OSBPL10: variants seen among roughly 807,000 people sequenced by gnomAD.
OSBPL10 encodes the protein oxysterol-binding protein-related protein 10.
A neutral mutation model predicts 81.7 loss-of-function variants in OSBPL10; 49 were observed. That is an observed-to-expected ratio of 0.60 (90% CI 0.48 to 0.76). The LOEUF (loss-of-function observed/expected upper bound fraction) is 0.76. OSBPL10 is among the 30% of genes least tolerant of loss of function. The probability of loss-of-function intolerance (pLI) is 0.00; values close to 1 mark genes in which losing one functional copy is unlikely to be tolerated. For synonymous variants in OSBPL10, 419 were observed against 383.6 expected (o/e 1.09, Z -1.08); for missense variants, 923 against 987.8 (o/e 0.93, Z 0.88).
intron 2 of OSBPL10, among the ~76,000 whole-genome samples, chr3:32,021,339 G>A (rs934989893): frequency 6.6e-6 from 1 of 152,194 alleles, no homozygotes; most frequent in African/African-American, 2.4e-5. Flanking sequence ...AACGTCATGA[G>A]GACAGATGTT....
At chr3:32,037,365 A>G (rs1699530543) in intron 2 of OSBPL10, among the ~76,000 whole-genome samples, 1 of 152,148 alleles carries the variant, frequency 6.6e-6, no homozygotes, top group South Asian at 2.1e-4. Context: ...AAAGCCCACT[A>G]AGGGCCAGGT....
At chr3:31,766,340 T>G (rs866500304) in intron 4 of OSBPL10, among the ~76,000 whole-genome samples, 7,174 of 112,414 alleles carry the variant, frequency 0.064, 791 homozygotes, top group African/African-American at 0.31. Context: ...TTTTTTTGTT[T>G]TTTTTTGTTT....
At chr3:31,841,275 C>T (rs1356205238) in intron 3 of OSBPL10, among the ~76,000 whole-genome samples, 1 of 152,228 alleles carries the variant, frequency 6.6e-6, no homozygotes, top group Non-Finnish European at 1.5e-5. Flanking sequence ...TGAATCCAGA[C>T]ACAGGACTTG....
At chr3:31,980,779 G>A (rs982864367) in intron 1 of OSBPL10, 120 bp downstream of exon 1, 22 of 1,258,462 alleles carry the variant, frequency 1.7e-5, no homozygotes, top group Non-Finnish European at 2.3e-5. Context: ...GGCATCACTG[G>A]GTTCGCTGAA....
chr3:31,707,453 C>G (rs1696109048), intron 6 of OSBPL10: 1 of 152,206 alleles, frequency 6.6e-6, no homozygotes, highest in Admixed American at 6.5e-5. Flanking sequence ...AAGCATATTG[C>G]AGTTCAATCA....
intron 1 of OSBPL10, among the ~76,000 whole-genome samples, chr3:31,938,042 A>G (rs1697429578): frequency 6.6e-6 from 1 of 152,078 alleles, no homozygotes; most frequent in African/African-American, 2.4e-5. Context: ...CACTACTCAG[A>G]ATGGCTCCAA....
At chr3:31,991,199 AC>A (rs1216812642) in intron 2 of OSBPL10, 2 of 546,720 alleles carry the variant, frequency 3.7e-6, no homozygotes, top group African/African-American at 3.8e-5. Context: ...TAATCCCAGC[AC>A]TGTGGGAGGT....
At chr3:32,012,249 A>C (rs184530867) in intron 2 of OSBPL10, among the ~76,000 whole-genome samples, 1 of 152,372 alleles carries the variant, frequency 6.6e-6, no homozygotes, top group East Asian at 1.9e-4. Flanking sequence ...ATCTCTCGGC[A>C]GAAACTCTAC....
chr3:31,800,049 G>A (rs1011545798), intron 4 of OSBPL10, among the ~76,000 whole-genome samples: 1 of 152,130 alleles, frequency 6.6e-6, no homozygotes, highest in African/African-American at 2.4e-5. Context: ...GGTTGTATTT[G>A]GGTCAAAGGT....
intron 3 of OSBPL10, among the ~76,000 whole-genome samples, chr3:31,864,007 T>C (rs1010929250): frequency 4.6e-5 from 7 of 152,300 alleles, no homozygotes; most frequent in East Asian, 3.9e-4. Flanking sequence ...GTATTGAACA[T>C]GCACTAACTG....
chr3:31,998,886 A>C (rs567043015), intron 2 of OSBPL10, among the ~76,000 whole-genome samples: 120 of 152,364 alleles, frequency 7.9e-4, no homozygotes, highest in African/African-American at 2.7e-3. Context: ...TTGGATAAAT[A>C]AAATTTATCC....
intron 11 of OSBPL10, 115 bp downstream of exon 11, chr3:31,663,964 C>A: frequency 1.2e-6 from 2 of 1,609,314 alleles, no homozygotes; most frequent in South Asian, 2.2e-5. Flanking sequence ...CCTAGTCCAT[C>A]CCTTCCCCTG....
intron 3 of OSBPL10, among the ~76,000 whole-genome samples, chr3:31,864,226 G>C (rs1170827349): frequency 6.6e-6 from 1 of 152,048 alleles, no homozygotes; most frequent in African/African-American, 2.4e-5. Context: ...GAAGTATAAG[G>C]GGCTTTCTCT....
intron 6 of OSBPL10, among the ~76,000 whole-genome samples, chr3:31,720,881 CAAAAA>C (rs61492992): frequency 6.0e-5 from 4 of 66,310 alleles, no homozygotes; most frequent in African/African-American, 1.9e-4. Context: ...GACTCTGTCT[CAAAAA>C]AAAAAAAAAA....
chr3:31,693,883 T>C (rs1695632040), intron 7 of OSBPL10, among the ~76,000 whole-genome samples: 1 of 152,196 alleles, frequency 6.6e-6, no homozygotes, highest in Admixed American at 6.5e-5. Flanking sequence ...TCCTCCTGCC[T>C]CAGCCTCCCC....
chr3:31,822,069 G>A (rs1699993373), intron 4 of OSBPL10: 1 of 152,206 alleles, frequency 6.6e-6, no homozygotes, highest in Non-Finnish European at 1.5e-5. Context: ...GCAATTACAT[G>A]AAGAAACATA....
At chr3:31,951,967 T>C (rs1232116842) in intron 1 of OSBPL10, among the ~76,000 whole-genome samples, 1 of 152,158 alleles carries the variant, frequency 6.6e-6, no homozygotes, top group East Asian at 1.9e-4. Context: ...ACTCCATTAG[T>C]GTGCAACTCT....
At chr3:31,719,682 C>G (rs150948464) in intron 6 of OSBPL10, among the ~76,000 whole-genome samples, 269 of 152,234 alleles carry the variant, frequency 1.8e-3, no homozygotes, top group African/African-American at 5.9e-3. Context: ...TAAATTCCCA[C>G]ATTTGTTAAC....
chr3:31,687,776 T>C (rs545647869), intron 7 of OSBPL10, among the ~76,000 whole-genome samples: 1 of 152,098 alleles, frequency 6.6e-6, no homozygotes, highest in South Asian at 2.1e-4. Flanking sequence ...TGTCATGGAT[T>C]AAGAAGAGGG....
Sources: allele counts gnomAD v4.1 joint callset (sites outside exome capture counted in the v4.1 genomes callset), GRCh38; gene constraint gnomAD v4.1.1; transcripts MANE v1.5; gene names NCBI Gene and HGNC (gene_info 2026-07-23, HGNC 2026-07-21).